Variants in AFG1L observed in about 807,000 individuals in gnomAD.
The protein encoded by AFG1L is AFG1-like ATPase.
Under a neutral mutation model 62.2 loss-of-function variants are expected in AFG1L, and 53 were observed. That is an observed-to-expected ratio of 0.85 (90% CI 0.68 to 1.07). The LOEUF is 1.07. AFG1L is among the 50% of genes least tolerant of loss of function. AFG1L has a pLI of 0.00. For missense variants in AFG1L, 555 were observed against 590.5 expected (o/e 0.94, Z 0.62); for synonymous variants, 228 against 210.3 (o/e 1.08, Z -0.73).
chr6:108,307,415 T>A (rs914545585), intron 1 of AFG1L, among the ~76,000 whole-genome samples: 13 of 148,444 alleles, frequency 8.8e-5, no homozygotes, highest in South Asian at 6.3e-4. Flanking sequence ...TCATCTTATT[T>A]TTTTTTTTTT....
intron 6 of AFG1L, among the ~76,000 whole-genome samples, chr6:108,398,825 A>G (rs1431847483): frequency 6.6e-6 from 1 of 152,178 alleles, no homozygotes; most frequent in Non-Finnish European, 1.5e-5. Context: ...TTTTTGTGCC[A>G]GTACCATGCT....
At chr6:108,391,963 A>G (rs1185298356) in intron 6 of AFG1L, 2 of 152,182 alleles carry the variant, frequency 1.3e-5, no homozygotes, top group Admixed American at 1.3e-4. Context: ...TGATGATGCT[A>G]CCATGCTGCT....
chr6:108,428,856 G>C (rs1689657185), intron 7 of AFG1L, among the ~76,000 whole-genome samples: 1 of 151,838 alleles, frequency 6.6e-6, no homozygotes, highest in Non-Finnish European at 1.5e-5. Flanking sequence ...ATTAGTCCTT[G>C]TTAGACACAT....
At chr6:108,401,535 T>A (rs1010766399) in intron 6 of AFG1L, among the ~76,000 whole-genome samples, 4 of 152,050 alleles carry the variant, frequency 2.6e-5, no homozygotes, top group Non-Finnish European at 1.5e-5. Flanking sequence ...TCAAGTGGCC[T>A]CCCCAAAGTG....
At chr6:108,345,175 G>C (rs905842831) in intron 2 of AFG1L, among the ~76,000 whole-genome samples, 1 of 152,100 alleles carries the variant, frequency 6.6e-6, no homozygotes, top group Non-Finnish European at 1.5e-5. Flanking sequence ...TTGTAAAAAT[G>C]GTGTCTTGCA....
chr6:108,382,584 T>A (rs1452979275), intron 6 of AFG1L, among the ~76,000 whole-genome samples: 2 of 152,338 alleles, frequency 1.3e-5, no homozygotes, highest in East Asian at 3.9e-4. Context: ...ATTCAACATT[T>A]CTTCATAGAA....
intron 1 of AFG1L, among the ~76,000 whole-genome samples, chr6:108,297,079 T>G (rs1354928608): frequency 6.6e-6 from 1 of 152,134 alleles, no homozygotes; most frequent in Non-Finnish European, 1.5e-5. Context: ...CTAAGGACGC[T>G]CCCTTCCCCT....
chr6:108,489,215 T>C (rs1288249615), intron 10 of AFG1L, among the ~76,000 whole-genome samples: 1 of 152,138 alleles, frequency 6.6e-6, no homozygotes, highest in Admixed American at 6.5e-5. Flanking sequence ...AGCAAATCAG[T>C]GACCATAACA....
At chr6:108,510,164 C>T (rs1198939340) in intron 10 of AFG1L, 48 bp from the exon 11 acceptor site, 4 of 1,473,604 alleles carry the variant, frequency 2.7e-6, no homozygotes, top group Non-Finnish European at 3.7e-6. Flanking sequence ...CCAAAGGCAA[C>T]CAGAATTGGT....
intron 6 of AFG1L, among the ~76,000 whole-genome samples, chr6:108,392,717 T>A (rs1781110588): frequency 3.3e-5 from 5 of 152,128 alleles, no homozygotes; most frequent in Admixed American, 3.3e-4. Context: ...GTCTTTTCTT[T>A]TAGTCTGTAA....
chr6:108,521,189 AC>A (rs1311239889), intron 12 of AFG1L: 1 of 152,064 alleles, frequency 6.6e-6, no homozygotes, highest in Non-Finnish European at 1.5e-5. Context: ...GGCTCTTAAA[AC>A]TTTTTTCCCC....
chr6:108,313,263 C>T (rs1777478987), intron 1 of AFG1L, among the ~76,000 whole-genome samples: 2 of 152,166 alleles, frequency 1.3e-5, no homozygotes, highest in Admixed American at 1.3e-4. Context: ...ACAGATGCCA[C>T]TTCCTGGCTT....
At chr6:108,475,944 T>C (rs1773088090) in intron 8 of AFG1L, among the ~76,000 whole-genome samples, 1 of 152,204 alleles carries the variant, frequency 6.6e-6, no homozygotes, top group South Asian at 2.1e-4. Flanking sequence ...TTTAATTGCT[T>C]CCACTACTAC....
intron 8 of AFG1L, among the ~76,000 whole-genome samples, chr6:108,466,746 A>AAAAT (rs1562178871): frequency 3.0e-5 from 4 of 132,690 alleles, no homozygotes; most frequent in African/African-American, 1.0e-4. Flanking sequence ...TATTTTTTAA[A>AAAAT]ATATATTTGT....
intron 8 of AFG1L, among the ~76,000 whole-genome samples, chr6:108,470,330 C>G (rs1183164135): frequency 1.3e-5 from 2 of 152,162 alleles, no homozygotes; most frequent in Non-Finnish European, 2.9e-5. Flanking sequence ...GACTGTTGTT[C>G]CATTTCCCCC....
intron 10 of AFG1L, among the ~76,000 whole-genome samples, chr6:108,485,652 ATATATTTTTTTTTTT>A (rs1245011787): frequency 1.3e-4 from 3 of 22,728 alleles, no homozygotes; most frequent in South Asian, 2.6e-3. Context: ...ATATATATAT[ATATATTTTTTTTTTT>A]TTTTTTTTTT....
chr6:108,393,459 G>GATGAT (rs748975916), intron 6 of AFG1L, among the ~76,000 whole-genome samples: 1 of 151,824 alleles, frequency 6.6e-6, no homozygotes, highest in Non-Finnish European at 1.5e-5. Context: ...TATAGTTTTG[G>GATGAT]ATGATATATA....
At chr6:108,416,612 A>C (rs1167524096) in intron 7 of AFG1L, among the ~76,000 whole-genome samples, 1 of 152,208 alleles carries the variant, frequency 6.6e-6, no homozygotes, top group Admixed American at 6.5e-5. Context: ...GGATGAGTTC[A>C]TGTCCTTTGT....
At chr6:108,340,143 A>G (rs1240764197) in intron 2 of AFG1L, among the ~76,000 whole-genome samples, 1 of 151,890 alleles carries the variant, frequency 6.6e-6, no homozygotes, top group African/African-American at 2.4e-5. Context: ...ATAAGTGAGA[A>G]TATGTGGTGT....
Sources: gnomAD v4.1 joint callset for allele counts (sites outside exome capture counted in the v4.1 genomes callset) on GRCh38, gnomAD v4.1.1 for gene constraint, MANE v1.5 for transcripts, NCBI Gene and HGNC (gene_info 2026-07-23, HGNC 2026-07-21) for gene names.